RABGAP1L: variants seen among roughly 807,000 people sequenced by gnomAD.
RABGAP1L encodes rab GTPase-activating protein 1-like.
RABGAP1L carries 63 observed loss-of-function variants against 137.7 expected under a neutral mutation model. That is an observed-to-expected ratio of 0.46 (90% CI 0.37 to 0.56). The LOEUF is 0.56. Among genes scored for constraint, RABGAP1L ranks in the 20% least tolerant of loss-of-function variants. The pLI, the probability that RABGAP1L is intolerant of heterozygous loss-of-function variation, is 0.00. For missense variants in RABGAP1L, 1,095 were observed against 1,244.0 expected (o/e 0.88, Z 1.80); for synonymous variants, 431 against 433.7 (o/e 0.99, Z 0.08).
chr1:174,993,830 C>T lies in RABGAP1L; in HGVS notation c.*3829C>T, dbSNP rs1359880736. On this transcript the variant is annotated 3_prime_UTR_variant, in exon 26 of 26. Transcript: ENST00000681986. ...TATATAACTTGCCCTTAAAAACACTCCAAAATACTGACTCCTTTTCTCCAA... is the reference window on the plus strand; with the variant it reads ...TATATAACTTGCCCTTAAAAACACTTCAAAATACTGACTCCTTTTCTCCAA... 1 of 152,198 alleles carries T rather than the reference C, an allele frequency of 6.6e-6. No homozygotes were observed. The highest frequency in any genetic ancestry group is 1.5e-5 in the Non-Finnish European group (1 of 68,038). The allele number at this position is 152,198 out of a possible 1,614,324, so 9.4% of individuals were successfully genotyped here. A position where few individuals can be genotyped will look rare whatever the true frequency, so the allele number is the denominator to read the frequency against.
At chr1:174,552,511 T>G (rs1016126746) in intron 13 of RABGAP1L, among the ~76,000 whole-genome samples, 1 of 152,152 alleles carries the variant, frequency 6.6e-6, no homozygotes, top group Non-Finnish European at 1.5e-5. Flanking sequence ...TCTCATTCTT[T>G]TTTATGACTG....
intron 11 of RABGAP1L, among the ~76,000 whole-genome samples, chr1:174,358,951 G>A (rs1254411014): frequency 2.6e-5 from 4 of 152,156 alleles, no homozygotes; most frequent in Non-Finnish European, 5.9e-5. Context: ...ATAATATGAC[G>A]TGCTAAGTGC....
At chr1:174,310,462 C>G (rs1678719359) in intron 11 of RABGAP1L, among the ~76,000 whole-genome samples, 1 of 152,046 alleles carries the variant, frequency 6.6e-6, no homozygotes, top group Admixed American at 6.6e-5. Context: ...ATTATTTAGT[C>G]TAGAGTGTAC....
chr1:174,308,039 T>C (rs1678468272), intron 11 of RABGAP1L, among the ~76,000 whole-genome samples: 1 of 152,104 alleles, frequency 6.6e-6, no homozygotes, highest in South Asian at 2.1e-4. Context: ...ATTGTAGTTG[T>C]GATTTCCATT....
chr1:174,303,342 A>G (rs1677901577), intron 10 of RABGAP1L, among the ~76,000 whole-genome samples: 1 of 152,142 alleles, frequency 6.6e-6, no homozygotes, highest in South Asian at 2.1e-4. Flanking sequence ...TTAAAATATA[A>G]AAAGCCTCAG....
At chr1:174,544,359 C>G (rs1158940782) in intron 13 of RABGAP1L, among the ~76,000 whole-genome samples, 1 of 152,180 alleles carries the variant, frequency 6.6e-6, no homozygotes, top group Non-Finnish European at 1.5e-5. Flanking sequence ...TCTTCAATCA[C>G]TGATACCCTT....
chr1:174,389,909 T>A (rs1042910398), intron 12 of RABGAP1L, among the ~76,000 whole-genome samples: 1 of 152,198 alleles, frequency 6.6e-6, no homozygotes, highest in Admixed American at 6.5e-5. Context: ...GTCTTGTTTC[T>A]AGGGTAGAGT....
intron 21 of RABGAP1L, among the ~76,000 whole-genome samples, chr1:174,971,277 TAATA>T (rs1391214420): frequency 6.6e-6 from 1 of 150,872 alleles, no homozygotes; most frequent in African/African-American, 2.4e-5. Context: ...TAATACTAAA[TAATA>T]TATATAACTT....
intron 1 of RABGAP1L, among the ~76,000 whole-genome samples, chr1:174,199,168 A>C (rs951555996): frequency 1.1e-4 from 17 of 152,158 alleles, no homozygotes; most frequent in Non-Finnish European, 1.8e-4. Flanking sequence ...CTTCAATATA[A>C]ACACTTAAAG....
intron 5 of RABGAP1L, among the ~76,000 whole-genome samples, chr1:174,242,064 A>T (rs970983331): frequency 3.3e-5 from 5 of 152,134 alleles, no homozygotes; most frequent in African/African-American, 1.2e-4. Context: ...TTTCATTTAG[A>T]TATTGCATTA....
At chr1:174,426,793 GA>G (rs1235950161) in intron 13 of RABGAP1L, among the ~76,000 whole-genome samples, 4 of 151,954 alleles carry the variant, frequency 2.6e-5, no homozygotes, top group Admixed American at 1.3e-4. Flanking sequence ...ATTTTTCTCT[GA>G]AAAAATTATA....
chr1:174,718,883 A>G (rs540306519), intron 17 of RABGAP1L, among the ~76,000 whole-genome samples: 1 of 137,744 alleles, frequency 7.3e-6, no homozygotes, highest in Non-Finnish European at 1.5e-5. Context: ...CTTGTTGCCC[A>G]GGCTGGAGTG....
At chr1:174,278,409 C>A (rs1221250675) in intron 9 of RABGAP1L, among the ~76,000 whole-genome samples, 2 of 152,108 alleles carry the variant, frequency 1.3e-5, no homozygotes, top group Non-Finnish European at 2.9e-5. Flanking sequence ...AAACAACAAA[C>A]ACTTAGGATT....
intron 3 of RABGAP1L, among the ~76,000 whole-genome samples, chr1:174,227,199 CTT>C (rs71117559): frequency 3.0e-5 from 4 of 133,778 alleles, no homozygotes; most frequent in Admixed American, 7.6e-5. Context: ...TGACCATTTA[CTT>C]TTTTTTTTTT....
At chr1:174,453,051 A>G (rs916570175) in intron 13 of RABGAP1L, among the ~76,000 whole-genome samples, 1 of 152,198 alleles carries the variant, frequency 6.6e-6, no homozygotes, top group African/African-American at 2.4e-5. Flanking sequence ...TATTTCTGAA[A>G]GCTCGTTTCC....
intron 10 of RABGAP1L, among the ~76,000 whole-genome samples, chr1:174,301,870 A>G (rs575300057): frequency 2.0e-5 from 3 of 152,362 alleles, no homozygotes; most frequent in Non-Finnish European, 2.9e-5. Flanking sequence ...CTGGGGATCA[A>G]TCAGAGGAAA....
At chr1:174,318,822 C>T (rs1029244016) in intron 11 of RABGAP1L, among the ~76,000 whole-genome samples, 1 of 151,640 alleles carries the variant, frequency 6.6e-6, no homozygotes, top group African/African-American at 2.4e-5. Flanking sequence ...TTTTAACCTG[C>T]CAACAGCTTA....
intron 24 of RABGAP1L, among the ~76,000 whole-genome samples, chr1:174,984,483 G>A (rs1300429632): frequency 6.6e-6 from 1 of 152,220 alleles, no homozygotes; most frequent in African/African-American, 2.4e-5. Context: ...GCTCACGCCT[G>A]TAATCCCAAC....
chr1:174,450,863 G>A (rs185266830), intron 13 of RABGAP1L, among the ~76,000 whole-genome samples: 2 of 152,208 alleles, frequency 1.3e-5, no homozygotes, highest in African/African-American at 2.4e-5. Context: ...AATAAAATGT[G>A]CCTATGACTC....
Sources: allele counts gnomAD v4.1 joint callset (sites outside exome capture counted in the v4.1 genomes callset), GRCh38; gene constraint gnomAD v4.1.1; transcripts MANE v1.5; gene names NCBI Gene and HGNC (gene_info 2026-07-23, HGNC 2026-07-21).